Variants in TASP1 observed in about 807,000 individuals in gnomAD.
TASP1 encodes threonine aspartase 1.
TASP1 carries 16 observed loss-of-function variants against 56.6 expected under a neutral mutation model. That is an observed-to-expected ratio of 0.28 (90% CI 0.19 to 0.43). The LOEUF (loss-of-function observed/expected upper bound fraction) is 0.43, where lower values mean the gene tolerates loss of function less well. Ranked by LOEUF, TASP1 falls within the 20% of genes least tolerant of loss-of-function variation. The pLI is 1.00. For missense variants in TASP1, 393 were observed against 511.6 expected (o/e 0.77, Z 2.24); for synonymous variants, 179 against 184.2 (o/e 0.97, Z 0.23).
chr20:13,333,051 C>T, the TASP1 span, among the ~76,000 whole-genome samples: 1 of 152,336 alleles, frequency 6.6e-6, no homozygotes, highest in South Asian at 2.1e-4. Context: ...TGTGCATGCT[C>T]CGTGGCTCCA....
At chr20:13,459,702 G>A (rs951830910) in intron 11 of TASP1, among the ~76,000 whole-genome samples, 1 of 151,966 alleles carries the variant, frequency 6.6e-6, no homozygotes, top group East Asian at 1.9e-4. Flanking sequence ...GTCTTTCCCT[G>A]GGAGAGACAG....
intron 4 of TASP1, among the ~76,000 whole-genome samples, chr20:13,609,094 A>T (rs1389236235): frequency 1.3e-5 from 2 of 152,174 alleles, no homozygotes; most frequent in Non-Finnish European, 2.9e-5. Flanking sequence ...TTCAATAACA[A>T]CCCAAAAAAT....
intron 11 of TASP1, among the ~76,000 whole-genome samples, chr20:13,470,001 G>A (rs918076150): frequency 6.6e-6 from 1 of 151,166 alleles, no homozygotes; most frequent in African/African-American, 2.4e-5. Flanking sequence ...TAGAGACGGG[G>A]TTTTCCCATG....
At chr20:13,361,006 G>A in the TASP1 span, among the ~76,000 whole-genome samples, 54 of 152,166 alleles carry the variant, frequency 3.5e-4, no homozygotes, top group African/African-American at 1.1e-3. Context: ...CCACTAGCCC[G>A]CCTCTTAGAA....
At chr20:13,114,908 A>G in the TASP1 span, among the ~76,000 whole-genome samples, 24 of 152,226 alleles carry the variant, frequency 1.6e-4, no homozygotes, top group African/African-American at 4.6e-4. Context: ...CTTTTCACTT[A>G]GCTAAGACAT....
the TASP1 span, among the ~76,000 whole-genome samples, chr20:13,359,475 C>T: frequency 6.6e-5 from 10 of 151,650 alleles, no homozygotes; most frequent in Admixed American, 2.0e-4. Context: ...TAGACCATCA[C>T]GGATGCCGAG....
chr20:13,135,014 T>C, the TASP1 span, among the ~76,000 whole-genome samples: 2 of 152,218 alleles, frequency 1.3e-5, no homozygotes, highest in Admixed American at 1.3e-4. Context: ...TCCCTAAGCC[T>C]GTGCTTTCAC....
At chr20:13,136,616 T>TAC in the TASP1 span, among the ~76,000 whole-genome samples, 48 of 139,236 alleles carry the variant, frequency 3.4e-4, no homozygotes, top group Non-Finnish European at 6.3e-5. Context: ...TATATATATA[T>TAC]ATAATATACA....
chr20:13,203,193 C>A, the TASP1 span, among the ~76,000 whole-genome samples: 2 of 152,092 alleles, frequency 1.3e-5, no homozygotes, highest in African/African-American at 4.8e-5. Flanking sequence ...TTACTGTGTG[C>A]CAGTCACTAT....
chr20:13,550,229 G>A (rs2045938123), intron 8 of TASP1, among the ~76,000 whole-genome samples: 1 of 150,846 alleles, frequency 6.6e-6, no homozygotes, highest in Non-Finnish European at 1.5e-5. Flanking sequence ...GAAAGTTTTA[G>A]ACTCAGATAT....
chr20:13,173,033 T>C, the TASP1 span, among the ~76,000 whole-genome samples: 103 of 152,294 alleles, frequency 6.8e-4, no homozygotes, highest in Non-Finnish European at 1.2e-3. Context: ...CCCTAGGACT[T>C]TGCCATTGCA....
chr20:13,120,332 T>C, the TASP1 span, among the ~76,000 whole-genome samples: 2 of 152,152 alleles, frequency 1.3e-5, no homozygotes, highest in African/African-American at 2.4e-5. Context: ...TCCAAACCAA[T>C]GTATACAAAA....
At chr20:13,399,636 G>A (rs2041664530) in intron 13 of TASP1, among the ~76,000 whole-genome samples, 2 of 152,150 alleles carry the variant, frequency 1.3e-5, no homozygotes, top group African/African-American at 4.8e-5. Flanking sequence ...CACCACCTGT[G>A]TGGATAATGC....
the TASP1 span, among the ~76,000 whole-genome samples, chr20:13,285,943 G>C: frequency 6.6e-6 from 1 of 152,298 alleles, no homozygotes; most frequent in South Asian, 2.1e-4. Flanking sequence ...TTTCTGGATA[G>C]TGGAGGTCCC....
the TASP1 span, chr20:13,110,165 C>T: frequency 4.3e-6 from 7 of 1,613,458 alleles, no homozygotes; most frequent in African/African-American, 1.3e-5. Context: ...TGGCCAGCCT[C>T]GAACCCGCAG....
chr20:13,214,562 C>CACACAG, the TASP1 span, among the ~76,000 whole-genome samples: 12 of 111,296 alleles, frequency 1.1e-4, no homozygotes, highest in South Asian at 3.0e-4. Context: ...CACACACACA[C>CACACAG]AGAGAGAGAG....
the TASP1 span, among the ~76,000 whole-genome samples, chr20:13,362,333 G>A: frequency 0.29 from 43,555 of 150,450 alleles, 7,241 homozygotes; most frequent in African/African-American, 0.46. Context: ...ATCACAAAAG[G>A]AGTGAATATG....
chr20:13,619,707 A>G (rs1425177052), intron 4 of TASP1, among the ~76,000 whole-genome samples: 1 of 152,228 alleles, frequency 6.6e-6, no homozygotes, highest in Non-Finnish European at 1.5e-5. Flanking sequence ...CCAAATGTAT[A>G]GTCCCAAATA....
chr20:13,358,099 CA>C, the TASP1 span, among the ~76,000 whole-genome samples: 1,595 of 152,208 alleles, frequency 0.01, 36 homozygotes, highest in African/African-American at 0.036. Flanking sequence ...CATCCTGGCT[CA>C]AAAAGCACCC....
Sources: gnomAD v4.1 joint callset for allele counts (sites outside exome capture counted in the v4.1 genomes callset) on GRCh38, gnomAD v4.1.1 for gene constraint, MANE v1.5 for transcripts, NCBI Gene and HGNC (gene_info 2026-07-23, HGNC 2026-07-21) for gene names.